The following MEF2C variants were observed in gnomAD, a reference collection of about 807,000 sequenced individuals.
MEF2C encodes the protein myocyte-specific enhancer factor 2C.
Under a neutral mutation model 50.5 loss-of-function variants are expected in MEF2C, and 6 were observed. That is an observed-to-expected ratio of 0.12 (90% CI 0.07 to 0.23). The LOEUF (loss-of-function observed/expected upper bound fraction) is 0.23, where lower values mean the gene tolerates loss of function less well. MEF2C is among the 10% of genes least tolerant of loss of function. The pLI is 1.00. For synonymous variants in MEF2C, 183 were observed against 228.0 expected (o/e 0.80, Z 1.78); for missense variants, 276 against 605.0 (o/e 0.46, Z 5.70).
intron 1 of MEF2C, among the ~76,000 whole-genome samples, chr5:88,832,979 T>C (rs1813653341): frequency 6.6e-6 from 1 of 152,168 alleles, no homozygotes; most frequent in Admixed American, 6.5e-5. Flanking sequence ...ATGCATCTTA[T>C]AGGACATTAG....
At chr5:88,753,859 C>T (rs1374456322) in intron 4 of MEF2C, among the ~76,000 whole-genome samples, 1 of 152,162 alleles carries the variant, frequency 6.6e-6, no homozygotes, top group African/African-American at 2.4e-5. Context: ...TGAATTTAGC[C>T]TTACATGTCC....
intron 3 of MEF2C, among the ~76,000 whole-genome samples, chr5:88,767,644 G>T (rs894463451): frequency 1.3e-5 from 2 of 152,092 alleles, no homozygotes; most frequent in African/African-American, 4.8e-5. Flanking sequence ...GGAAGGGGTG[G>T]ATGGGGTTGG....
chr5:88,855,386 G>A (rs770399373), intron 1 of MEF2C, among the ~76,000 whole-genome samples: 4 of 151,928 alleles, frequency 2.6e-5, no homozygotes, highest in African/African-American at 7.3e-5. Flanking sequence ...TTCTTTTAAC[G>A]ATTTTGGATA....
chr5:88,740,052 C>T, intron 6 of MEF2C: 1 of 985,316 alleles, frequency 1.0e-6, no homozygotes, highest in Non-Finnish European at 1.2e-6. Flanking sequence ...TACCCCAAGA[C>T]TATACCAAAG....
At chr5:88,745,175 T>A (rs927527260) in intron 6 of MEF2C, among the ~76,000 whole-genome samples, 3 of 152,244 alleles carry the variant, frequency 2.0e-5, no homozygotes, top group African/African-American at 7.2e-5. Flanking sequence ...GTATCTGCTG[T>A]GTGCTAACGC....
chr5:88,779,505 G>A (rs556878182), intron 3 of MEF2C, among the ~76,000 whole-genome samples: 2 of 152,082 alleles, frequency 1.3e-5, no homozygotes, highest in Non-Finnish European at 2.9e-5. Context: ...ACAGGAACTT[G>A]TGCACAGTGA....
At chr5:88,780,641 A>C (rs927692725) in intron 3 of MEF2C, 2 of 524,174 alleles carry the variant, frequency 3.8e-6, no homozygotes, top group Admixed American at 1.3e-4. Context: ...AAGATACTTA[A>C]GTTTCACCCT....
Position 88,783,665 on chromosome 5 carries a change from C to G in MEF2C, c.258+20933G>C, listed in dbSNP as rs1789376705. On this transcript the variant is annotated intron_variant, in intron 3 of 10. Transcript: ENST00000504921. Reference sequence around the variant, plus strand: ...AAAATAAAATAAAAAATAAAACAGACAGTCTAAGTAATTTGCCCAAGGACA... The same window carrying G: ...AAAATAAAATAAAAAATAAAACAGAGAGTCTAAGTAATTTGCCCAAGGACA... Among the ~76,000 whole-genome samples, 5 of 152,164 alleles carry G rather than the reference C, an allele frequency of 3.3e-5. No individual in the cohort carries two copies. In the South Asian group the frequency reaches 1.0e-3, roughly 32 times the overall value.
intron 3 of MEF2C, among the ~76,000 whole-genome samples, chr5:88,783,598 C>A (rs532614859): frequency 6.6e-6 from 1 of 151,982 alleles, no homozygotes; most frequent in Non-Finnish European, 1.5e-5. Context: ...CCATTGCACT[C>A]CAGCCTGGGC....
At chr5:88,821,905 AAGAGT>A (rs1384148088) in intron 2 of MEF2C, among the ~76,000 whole-genome samples, 1 of 151,936 alleles carries the variant, frequency 6.6e-6, no homozygotes, top group Non-Finnish European at 1.5e-5. Flanking sequence ...AAGTAATTAA[AAGAGT>A]AGAATTGGAA....
intron 1 of MEF2C, among the ~76,000 whole-genome samples, chr5:88,856,333 G>A (rs781530985): frequency 6.6e-6 from 1 of 152,158 alleles, no homozygotes; most frequent in African/African-American, 2.4e-5. Context: ...GTTTGAAATC[G>A]GAACTTATGT....
At chr5:88,783,462 C>G (rs561166921) in intron 3 of MEF2C, among the ~76,000 whole-genome samples, 31 of 152,036 alleles carry the variant, frequency 2.0e-4, no homozygotes, top group Non-Finnish European at 3.8e-4. Flanking sequence ...AACCCTGTCT[C>G]TACTAAAAAT....
intron 1 of MEF2C, among the ~76,000 whole-genome samples, chr5:88,854,392 C>T (rs1008533852): frequency 6.6e-6 from 1 of 152,038 alleles, no homozygotes. Flanking sequence ...CACCAAAGAG[C>T]CTACATTTTA....
At chr5:88,860,678 T>C (rs548292225) in intron 1 of MEF2C, among the ~76,000 whole-genome samples, 3 of 152,192 alleles carry the variant, frequency 2.0e-5, no homozygotes, top group Non-Finnish European at 4.4e-5. Context: ...GACATTAAGA[T>C]GATACATAGC....
intron 1 of MEF2C, among the ~76,000 whole-genome samples, chr5:88,850,503 A>G (rs77411262): frequency 0.015 from 2,326 of 152,300 alleles, 23 homozygotes; most frequent in Non-Finnish European, 0.023. Context: ...TTTGATTGCC[A>G]TAAGAATGCA....
chr5:88,776,246 T>C (rs190940152), intron 3 of MEF2C, among the ~76,000 whole-genome samples: 1 of 152,216 alleles, frequency 6.6e-6, no homozygotes, highest in Non-Finnish European at 1.5e-5. Flanking sequence ...TACTTGTATA[T>C]ATTTATATGG....
intron 5 of MEF2C, chr5:88,751,357 GC>G (rs1301832034): frequency 1.0e-6 from 1 of 985,200 alleles, no homozygotes; most frequent in African/African-American, 1.7e-5. Context: ...TACAAATGAT[GC>G]TATCTTATCA....
At chr5:88,885,794 T>C (rs934926530), upstream of MEF2C, among the ~76,000 whole-genome samples, 1 of 152,256 alleles carries the variant, frequency 6.6e-6, no homozygotes, top group African/African-American at 2.4e-5. Flanking sequence ...TACAACAGTC[T>C]ATTTGACATG....
chr5:88,825,568 T>C (rs976758583), intron 1 of MEF2C: 3 of 980,020 alleles, frequency 3.1e-6, no homozygotes, highest in African/African-American at 1.8e-5. Flanking sequence ...AAAATAGTTA[T>C]AACATATTGA....
Sources: allele counts gnomAD v4.1 joint callset (sites outside exome capture counted in the v4.1 genomes callset), GRCh38; gene constraint gnomAD v4.1.1; transcripts MANE v1.5; gene names NCBI Gene and HGNC (gene_info 2026-07-23, HGNC 2026-07-21).